The following GREB1L variants were observed in gnomAD, a reference collection of about 807,000 sequenced individuals.
GREB1L encodes the protein GREB1-like protein.
GREB1L carries 17 observed loss-of-function variants against 200.8 expected under a neutral mutation model. The observed-to-expected ratio is 0.08, with a 90% confidence interval of 0.06 to 0.13. GREB1L has a LOEUF of 0.13. Among genes scored for constraint, GREB1L ranks in the 10% least tolerant of loss-of-function variants. GREB1L has a pLI of 1.00. For synonymous variants in GREB1L, 789 were observed against 893.0 expected (o/e 0.88, Z 2.08); for missense variants, 1,657 against 2,367.7 (o/e 0.70, Z 6.23).
At chr18:21,401,100 AT>A in intron 5 of GREB1L, 49 bp from the exon 6 acceptor site, 1 of 1,412,222 alleles carries the variant, frequency 7.1e-7, no homozygotes, top group Non-Finnish European at 9.8e-7. Context: ...ACGTAAAAGT[AT>A]TGTATCAACT....
chr18:21,467,300 AAAGAC>A (rs2035295661), intron 15 of GREB1L, among the ~76,000 whole-genome samples: 1 of 152,234 alleles, frequency 6.6e-6, no homozygotes, highest in African/African-American at 2.4e-5. Flanking sequence ...AAGAAAGTGA[AAAGAC>A]AAGCCACAGA....
At chr18:21,496,158 G>T (rs2036536518) in intron 20 of GREB1L, among the ~76,000 whole-genome samples, 1 of 152,144 alleles carries the variant, frequency 6.6e-6, no homozygotes, top group African/African-American at 2.4e-5. Context: ...AGCATTAGCT[G>T]AATGCTTACT....
intron 1 of GREB1L, among the ~76,000 whole-genome samples, chr18:21,282,196 C>T (rs2038281612): frequency 6.6e-6 from 1 of 152,096 alleles, no homozygotes; most frequent in African/African-American, 2.4e-5. Flanking sequence ...ATCACTTAAG[C>T]CCAGGAGTTC....
intron 7 of GREB1L, among the ~76,000 whole-genome samples, chr18:21,412,051 CAAAAAA>C (rs962603456): frequency 0.031 from 929 of 30,442 alleles, 11 homozygotes; most frequent in African/African-American, 0.095. Flanking sequence ...GACTCCGTCT[CAAAAAA>C]AAAAAAAAAA....
chr18:21,246,119 A>T (rs1344423062), intron 1 of GREB1L, among the ~76,000 whole-genome samples: 1 of 151,986 alleles, frequency 6.6e-6, no homozygotes, highest in Non-Finnish European at 1.5e-5. Flanking sequence ...GGATAGTATA[A>T]TGTAGTTGTA....
At chr18:21,468,810 T>A (rs1292867255) in intron 15 of GREB1L, 1 of 456,618 alleles carries the variant, frequency 2.2e-6, no homozygotes, top group East Asian at 6.9e-5. Context: ...CTTTCCTGGC[T>A]TTTCATGACC....
intron 1 of GREB1L, among the ~76,000 whole-genome samples, chr18:21,303,529 TG>T (rs2038652130): frequency 1.3e-5 from 2 of 152,234 alleles, no homozygotes; most frequent in African/African-American, 4.8e-5. Context: ...TAGCTGTTAA[TG>T]GTTTTCACTC....
chr18:21,301,249 G>C (rs1259879749), intron 1 of GREB1L, among the ~76,000 whole-genome samples: 1 of 152,202 alleles, frequency 6.6e-6, no homozygotes, highest in African/African-American at 2.4e-5. Context: ...GCTGACAACA[G>C]GTTATTTTGT....
At chr18:21,480,920 T>G (rs1194883538) in intron 17 of GREB1L, among the ~76,000 whole-genome samples, 2 of 151,928 alleles carry the variant, frequency 1.3e-5, no homozygotes, top group East Asian at 3.9e-4. Context: ...CTCAGAAGGC[T>G]GAGGCAGGAG....
At chr18:21,489,920 C>T (rs548707895) in intron 18 of GREB1L, 92 bp from the exon 19 acceptor site, 61 of 891,512 alleles carry the variant, frequency 6.8e-5, no homozygotes, top group Non-Finnish European at 9.1e-5. Flanking sequence ...GCCCCTTCCC[C>T]ACCATGCTTA....
chr18:21,497,212 G>A (rs1447798704), intron 21 of GREB1L, among the ~76,000 whole-genome samples: 1 of 152,232 alleles, frequency 6.6e-6, no homozygotes, highest in Non-Finnish European at 1.5e-5. Context: ...CCTGCAGCCT[G>A]CCGGCCTCTG....
intron 14 of GREB1L, 74 bp downstream of exon 14, chr18:21,452,291 G>A: frequency 7.0e-7 from 1 of 1,421,260 alleles, no homozygotes; most frequent in Non-Finnish European, 9.5e-7. Context: ...TCATTCTAAG[G>A]GTTTTGAGGA....
intron 7 of GREB1L, among the ~76,000 whole-genome samples, chr18:21,405,609 T>C (rs1367308211): frequency 6.6e-6 from 1 of 152,084 alleles, no homozygotes; most frequent in Non-Finnish European, 1.5e-5. Flanking sequence ...GAGACCGGCC[T>C]GGCCAACATG....
At chr18:21,302,037 C>G (rs2038625523) in intron 1 of GREB1L, among the ~76,000 whole-genome samples, 1 of 152,234 alleles carries the variant, frequency 6.6e-6, no homozygotes, top group Non-Finnish European at 1.5e-5. Context: ...GCATTTACCA[C>G]ATTTTAACTC....
chr18:21,357,404 G>T (rs1374993484), intron 1 of GREB1L, among the ~76,000 whole-genome samples: 1 of 152,194 alleles, frequency 6.6e-6, no homozygotes, highest in Admixed American at 6.5e-5. Context: ...TGTATGGTTT[G>T]CAAGCATTTT....
intron 7 of GREB1L, among the ~76,000 whole-genome samples, chr18:21,411,905 C>T (rs1382387806): frequency 4.6e-5 from 7 of 151,604 alleles, no homozygotes; most frequent in Admixed American, 2.0e-4. Context: ...ATTAGCCGGG[C>T]GCAGTGGTGG....
At chr18:21,449,448 GGT>G (rs779991879) in intron 11 of GREB1L, 60 bp from the exon 12 acceptor site, 7 of 962,732 alleles carry the variant, frequency 7.3e-6, no homozygotes, top group Non-Finnish European at 1.1e-5. Flanking sequence ...AAAGCATATG[GGT>G]GTGTGTGTCT....
Position 21,499,948 on chromosome 18 carries a change from C to T in GREB1L, c.3611C>T (p.Ser1204Leu). 1.9e-6 allele frequency: 3 copies of T among 1,550,668 alleles called. No individual in the cohort carries two copies. The highest frequency in any genetic ancestry group is 2.6e-6 in the Non-Finnish European group (3 of 1,146,494). Residue 1204 changes from serine to leucine, a missense_variant, in exon 22 of 33, where the codon TCA becomes TTA. This residue lies in a region of GREB1L where 512 missense variants were observed against 668.3 expected (regional missense o/e 0.77). Transcript: ENST00000424526. ...ASSTTSKPSS[S>L]SSGPRTLPWP... ...AGCACCACCTCCAAGCCGTCATCATCATCCTCAGGACCCAGGACCCTCCCA... is the reference window on the plus strand; with the variant it reads ...AGCACCACCTCCAAGCCGTCATCATTATCCTCAGGACCCAGGACCCTCCCA...
chr18:21,344,172 C>G (rs914676745), intron 1 of GREB1L, among the ~76,000 whole-genome samples: 2 of 152,130 alleles, frequency 1.3e-5, no homozygotes, highest in Admixed American at 1.3e-4. Context: ...GAGGCCAAGG[C>G]GGGCGGATCA....
Sources: allele counts gnomAD v4.1 joint callset (sites outside exome capture counted in the v4.1 genomes callset), GRCh38; gene constraint gnomAD v4.1.1; regional missense constraint gnomAD v4.1.1; transcripts MANE v1.5; gene names NCBI Gene and HGNC (gene_info 2026-07-23, HGNC 2026-07-21).